MYZAP: variants seen among roughly 807,000 people sequenced by gnomAD.
The protein encoded by MYZAP is myocardial zonula adherens protein, also known as GRINL1A complex locus upstream.
MYZAP carries 66 observed loss-of-function variants against 69.4 expected under a neutral mutation model. The observed-to-expected ratio is 0.95, with a 90% CI of 0.78 to 1.17. The LOEUF is 1.17. Ranked by LOEUF, MYZAP falls within the 50% of genes most tolerant of loss-of-function variation. The pLI is 0.00. For synonymous variants in MYZAP, 256 were observed against 205.9 expected, an observed-to-expected ratio of 1.24 and a Z score of -2.09; for missense variants, 611 against 556.2, an observed-to-expected ratio of 1.10 and a Z score of -0.99.
chr15:57,602,609 A>G (rs1205456305), intron 1 of MYZAP, among the ~76,000 whole-genome samples: 6 of 152,222 alleles, frequency 3.9e-5, no homozygotes, highest in Admixed American at 6.5e-5. Flanking sequence ...AATTCAACCC[A>G]TATTAGGGAG....
At chr15:57,633,566 C>T (rs2036631913) in intron 7 of MYZAP, 47 bp from the exon 8 acceptor site, 3 of 1,570,510 alleles carry the variant, frequency 1.9e-6, no homozygotes, top group Non-Finnish European at 2.6e-6. Flanking sequence ...CGGTGAGTAG[C>T]CTCGGTACTC....
intron 6 of MYZAP, among the ~76,000 whole-genome samples, chr15:57,630,656 G>C (rs2036448950): frequency 6.6e-6 from 1 of 152,150 alleles, no homozygotes; most frequent in African/African-American, 2.4e-5. Context: ...AGGCATTAGT[G>C]CCCCTCCCAA....
At chr15:57,601,682 T>A (rs2140326893) in intron 1 of MYZAP, among the ~76,000 whole-genome samples, 1 of 151,840 alleles carries the variant, frequency 6.6e-6, no homozygotes, top group African/African-American at 2.4e-5. Flanking sequence ...GATTCCGGGG[T>A]CCCTGGGGGA....
chr15:57,605,950 G>A (rs777272914), intron 2 of MYZAP, among the ~76,000 whole-genome samples: 1 of 151,996 alleles, frequency 6.6e-6, no homozygotes, highest in Non-Finnish European at 1.5e-5. Context: ...AAATCCATAC[G>A]TTTGTAGTGA....
intron 10 of MYZAP, among the ~76,000 whole-genome samples, chr15:57,642,947 G>A (rs1440492219): frequency 6.6e-6 from 1 of 152,148 alleles, no homozygotes; most frequent in African/African-American, 2.4e-5. Context: ...CAAGGTCATT[G>A]AGAAAAGATA....
At chr15:57,682,973 T>A (rs763392573) in intron 12 of MYZAP, among the ~76,000 whole-genome samples, 10 of 152,206 alleles carry the variant, frequency 6.6e-5, no homozygotes, top group Non-Finnish European at 1.5e-4. Flanking sequence ...CATGTGTTCA[T>A]GCTCATTTTG....
At chr15:57,654,788 C>T (rs2037927028) in intron 10 of MYZAP, among the ~76,000 whole-genome samples, 1 of 152,120 alleles carries the variant, frequency 6.6e-6, no homozygotes, top group South Asian at 2.1e-4. Flanking sequence ...GGATTCCTCA[C>T]TGAATCCATA....
chr15:57,632,806 C>A (rs552942717), intron 7 of MYZAP, among the ~76,000 whole-genome samples: 7 of 152,310 alleles, frequency 4.6e-5, no homozygotes, highest in Admixed American at 1.3e-4. Context: ...TTTTCTAGCT[C>A]ATCTGACAAT....
chr15:57,682,256 G>T (rs1181276537), intron 12 of MYZAP, among the ~76,000 whole-genome samples: 1 of 152,110 alleles, frequency 6.6e-6, no homozygotes, highest in Admixed American at 6.5e-5. Flanking sequence ...GAGCGTGGGG[G>T]ATTATGTAGA....
At chr15:57,593,321 C>A (rs1291285154) in intron 1 of MYZAP, among the ~76,000 whole-genome samples, 1 of 152,072 alleles carries the variant, frequency 6.6e-6, no homozygotes, top group Admixed American at 6.5e-5. Context: ...GGGTTTCCAA[C>A]CACAGTCCTG....
chr15:57,625,960 A>G (rs2036111097), intron 5 of MYZAP, 68 bp downstream of exon 5: 1 of 1,377,276 alleles, frequency 7.3e-7, no homozygotes, highest in Admixed American at 1.7e-5. Flanking sequence ...GTGCCTTTGC[A>G]GAAAAATAAG....
chr15:57,651,404 G>A (rs888542589), intron 10 of MYZAP, among the ~76,000 whole-genome samples: 3 of 152,020 alleles, frequency 2.0e-5, no homozygotes, highest in Admixed American at 6.5e-5. Context: ...ATCATAGAGG[G>A]AAAAAAAGGA....
chr15:57,625,154 A>G (rs1490576608), intron 4 of MYZAP, among the ~76,000 whole-genome samples: 3 of 151,680 alleles, frequency 2.0e-5, no homozygotes, highest in Admixed American at 6.6e-5. Flanking sequence ...GCTCACTGCA[A>G]CCTCAGCCTC....
intron 4 of MYZAP, among the ~76,000 whole-genome samples, chr15:57,622,547 T>C (rs148002442): frequency 0.015 from 2,250 of 152,222 alleles, 30 homozygotes; most frequent in South Asian, 0.045. Flanking sequence ...AGTATCATAG[T>C]GGCACATAAA....
intron 2 of MYZAP, among the ~76,000 whole-genome samples, 162 bp downstream of exon 2, chr15:57,604,517 A>G (rs927760192): frequency 6.6e-6 from 1 of 152,126 alleles, no homozygotes; most frequent in African/African-American, 2.4e-5. Context: ...TCTTCCCAGA[A>G]GACAGAGAGC....
intron 8 of MYZAP, among the ~76,000 whole-genome samples, 160 bp from the exon 9 acceptor site, chr15:57,637,534 AC>A (rs1193030933): frequency 2.0e-4 from 31 of 152,300 alleles, no homozygotes; most frequent in African/African-American, 7.2e-4. Flanking sequence ...ACAACAACAG[AC>A]TTGGCAGTTT....
chr15:57,629,234 A>T (rs568845916), intron 5 of MYZAP, among the ~76,000 whole-genome samples: 1 of 152,324 alleles, frequency 6.6e-6, no homozygotes, highest in East Asian at 1.9e-4. Context: ...GCCCTATCAC[A>T]TAGTGAAAAC....
At chr15:57,670,366 G>C (rs1185379428) in intron 11 of MYZAP, among the ~76,000 whole-genome samples, 1 of 151,854 alleles carries the variant, frequency 6.6e-6, no homozygotes, top group Non-Finnish European at 1.5e-5. Context: ...AATACTCTTT[G>C]TCTTGATATC....
In MYZAP at chr15:57,593,214, A is replaced by ACACACACACACACCCC. The variant is rs1172761785; in HGVS notation, c.75+1106_75+1107insACACACACACACCCCC. ...CACACACACACACACACACACACAC[A>ACACACACACACACCCC]CCCCAGAATCCATCAGTTGGCTCAT... On this transcript the variant is annotated intron_variant, in intron 1 of 12. Coordinates refer to ENST00000267853, the MANE Select transcript of MYZAP (RefSeq NM_001018100.5). Among the ~76,000 whole-genome samples the ACACACACACACACCCC allele has an allele frequency of 8.3e-4, 118 of 141,432 alleles. 2 individuals are homozygous for ACACACACACACACCCC. Among genetic ancestry groups the ACACACACACACACCCC allele is most frequent in the African/African-American group, 2.9e-3 (103 of 35,866 alleles). 92.8% of individuals were successfully genotyped at this position (141,432 alleles called of 152,430 possible). A position where few individuals can be genotyped will look rare whatever the true frequency, so the allele number is the denominator to read the frequency against.
Sources: allele counts gnomAD v4.1 joint callset (sites outside exome capture counted in the v4.1 genomes callset), GRCh38; gene constraint gnomAD v4.1.1; transcripts MANE v1.5; gene names NCBI Gene and HGNC (gene_info 2026-07-23, HGNC 2026-07-21).